PID1: variants seen among roughly 807,000 people sequenced by gnomAD.
PID1 encodes PTB-containing, cubilin and LRP1-interacting protein.
A neutral mutation model predicts 19.1 loss-of-function variants in PID1; 10 were observed. That is an observed-to-expected ratio of 0.52 (90% confidence interval 0.32 to 0.89). The LOEUF (loss-of-function observed/expected upper bound fraction) is 0.89. PID1 is among the 40% of genes least tolerant of loss of function. The probability of loss-of-function intolerance (pLI) is 0.03; values close to 1 mark genes in which losing one functional copy is unlikely to be tolerated. For missense variants in PID1, 248 were observed against 285.3 expected (o/e 0.87, Z 0.94); for synonymous variants, 130 against 116.0 (o/e 1.12, Z -0.78).
intron 2 of PID1, among the ~76,000 whole-genome samples, chr2:229,074,809 T>C (rs900515670): frequency 6.6e-6 from 1 of 152,204 alleles, no homozygotes; most frequent in Non-Finnish European, 1.5e-5. Flanking sequence ...TATAAATTGA[T>C]GGCAAAATAT....
chr2:229,230,610 G>A (rs576599863), intron 1 of PID1, among the ~76,000 whole-genome samples: 44 of 152,324 alleles, frequency 2.9e-4, no homozygotes, highest in Admixed American at 2.9e-3. Flanking sequence ...ACCCTAATGG[G>A]ATTTAAATCA....
chr2:229,130,434 CAT>C (rs1689706379), intron 2 of PID1, among the ~76,000 whole-genome samples: 1 of 152,182 alleles, frequency 6.6e-6, no homozygotes, highest in African/African-American at 2.4e-5. Context: ...TTAAAGAAAA[CAT>C]AGAAAAGTCT....
chr2:229,065,904 A>G (rs998167057), intron 2 of PID1, among the ~76,000 whole-genome samples: 2 of 152,136 alleles, frequency 1.3e-5, no homozygotes, highest in African/African-American at 4.8e-5. Context: ...TATGCTTGAC[A>G]TTAAACTATT....
intron 2 of PID1, among the ~76,000 whole-genome samples, chr2:229,064,237 A>G (rs900161625): frequency 6.6e-6 from 1 of 152,166 alleles, no homozygotes; most frequent in Admixed American, 6.6e-5. Flanking sequence ...CAGTAGTTAC[A>G]GTGAAAGAGG....
At chr2:229,144,927 G>A (rs149187051) in intron 2 of PID1, among the ~76,000 whole-genome samples, 63 of 151,900 alleles carry the variant, frequency 4.1e-4, no homozygotes, top group African/African-American at 1.5e-3. Context: ...TACAAGGAAA[G>A]TCTAGGTTTA....
intron 1 of PID1, among the ~76,000 whole-genome samples, chr2:229,220,918 T>TA (rs1691954921): frequency 1.3e-5 from 2 of 151,736 alleles, no homozygotes; most frequent in African/African-American, 2.4e-5. Flanking sequence ...AAAAAAAAAT[T>TA]TAAAAAAAAT....
At chr2:229,216,807 T>C (rs1411769235) in intron 1 of PID1, among the ~76,000 whole-genome samples, 1 of 152,190 alleles carries the variant, frequency 6.6e-6, no homozygotes, top group Non-Finnish European at 1.5e-5. Context: ...ATGATGTTAT[T>C]ACTGTCACTG....
At chr2:229,184,922 C>T (rs1008815237) in intron 1 of PID1, among the ~76,000 whole-genome samples, 2 of 140,630 alleles carry the variant, frequency 1.4e-5, no homozygotes, top group Non-Finnish European at 3.0e-5. Flanking sequence ...ATATATCCTA[C>T]ATATGTATCC....
intron 1 of PID1, among the ~76,000 whole-genome samples, chr2:229,219,450 C>G (rs1168147689): frequency 6.6e-6 from 1 of 152,166 alleles, no homozygotes; most frequent in Non-Finnish European, 1.5e-5. Context: ...AGAAGGAAAC[C>G]GCCCCCATGA....
Position 229,264,143 on chromosome 2 carries a change from G to C in PID1, c.30+6871C>G, listed in dbSNP as rs545444263. Among the ~76,000 whole-genome samples, 3 of 152,284 alleles carry C rather than the reference G, an allele frequency of 2.0e-5. No homozygotes were observed. The East Asian group carries it at 5.8e-4, about 29-fold the overall frequency. On this transcript the variant is annotated intron_variant, in intron 1 of 2. Transcript: ENST00000392055. ...CTCTGTGCCCTGTTTGAGAATACTT[G>C]CCACGCTATATAACCTTCTAGCTGT...
intron 1 of PID1, among the ~76,000 whole-genome samples, chr2:229,165,517 C>T (rs1559265096): frequency 6.6e-6 from 1 of 151,820 alleles, no homozygotes; most frequent in African/African-American, 2.4e-5. Context: ...GAGTTCCAGG[C>T]TGCAGTGAGC....
chr2:229,175,738 C>T (rs552047749), intron 1 of PID1, among the ~76,000 whole-genome samples: 1 of 152,300 alleles, frequency 6.6e-6, no homozygotes, highest in South Asian at 2.1e-4. Flanking sequence ...CACACCCAGC[C>T]CATGCCATGC....
chr2:229,258,416 T>C (rs1290838234), intron 1 of PID1, among the ~76,000 whole-genome samples: 1 of 152,208 alleles, frequency 6.6e-6, no homozygotes, highest in East Asian at 1.9e-4. Flanking sequence ...TCATTATTTA[T>C]ATTCTGGGTT....
At chr2:229,066,823 T>C (rs1203676954) in intron 2 of PID1, among the ~76,000 whole-genome samples, 2 of 152,082 alleles carry the variant, frequency 1.3e-5, no homozygotes, top group African/African-American at 2.4e-5. Flanking sequence ...ACTGTGTTCA[T>C]ACCAAGTGTG....
At chr2:229,141,644 G>C (rs959641698) in intron 2 of PID1, among the ~76,000 whole-genome samples, 6 of 59,252 alleles carry the variant, frequency 1.0e-4, no homozygotes, top group Middle Eastern at 8.5e-3. Flanking sequence ...AATCAATGTG[G>C]GGGGGGAACT....
intron 1 of PID1, among the ~76,000 whole-genome samples, chr2:229,198,703 GT>G (rs1187648907): frequency 1.3e-5 from 2 of 152,020 alleles, no homozygotes; most frequent in Non-Finnish European, 2.9e-5. Flanking sequence ...CTCTCTGAGA[GT>G]TTACACCTTA....
At chr2:229,134,231 G>GTTTTTTTTTTTTCTTTTTTTTTTTTT in intron 2 of PID1, among the ~76,000 whole-genome samples, 1 of 109,212 alleles carries the variant, frequency 9.2e-6, no homozygotes, top group South Asian at 3.9e-4. Context: ...TACTACCTGT[G>GTTTTTTTTTTTTCTTTTTTTTTTTTT]TTTTTTTTTT....
Position 229,136,954 on chromosome 2 carries a change from CA to C in PID1, c.177+18863del, listed in dbSNP as rs536570960. ...AATGAGCCATAAACTAAAGTCTATG[CA>C]GCAGAAAAATCCAACTCCCTTAAGG... On this transcript the variant is annotated intron_variant, in intron 2 of 2. Transcript: ENST00000392055. Among the ~76,000 whole-genome samples the C allele has an allele frequency of 3.2e-4, 48 of 152,286 alleles. No individual in the cohort carries two copies. In the East Asian group the frequency reaches 8.7e-3, roughly 28 times the overall value.
chr2:229,188,603 G>C (rs1691184460), intron 1 of PID1, among the ~76,000 whole-genome samples: 1 of 151,974 alleles, frequency 6.6e-6, no homozygotes, highest in African/African-American at 2.4e-5. Context: ...GCCAGGCATG[G>C]TGGCGGGTGC....
Sources: gnomAD v4.1 joint callset for allele counts (sites outside exome capture counted in the v4.1 genomes callset) on GRCh38, gnomAD v4.1.1 for gene constraint, MANE v1.5 for transcripts, NCBI Gene and HGNC (gene_info 2026-07-23, HGNC 2026-07-21) for gene names.